The following RDX variants were observed in gnomAD, a reference collection of about 807,000 sequenced individuals.
RDX encodes radixin.
RDX carries 32 observed loss-of-function variants against 83.7 expected under a neutral mutation model. That is an observed-to-expected ratio of 0.38 (90% confidence interval 0.29 to 0.51). RDX has a LOEUF of 0.51. Among genes scored for constraint, RDX ranks in the 20% least tolerant of loss-of-function variants. The pLI, the probability that RDX is intolerant of heterozygous loss-of-function variation, is 0.87. For missense variants in RDX, 600 were observed against 689.9 expected (o/e 0.87, Z 1.46); for synonymous variants, 229 against 222.7 (o/e 1.03, Z -0.25).
intron 14 of RDX, among the ~76,000 whole-genome samples, chr11:110,204,318 T>C (rs1007788737): frequency 1.3e-5 from 2 of 149,374 alleles, no homozygotes; most frequent in African/African-American, 4.9e-5. Flanking sequence ...AGTTTTCAAA[T>C]GTAACTCTGA....
downstream of RDX, among the ~76,000 whole-genome samples, chr11:110,225,217 C>T (rs2134283461): frequency 6.6e-6 from 1 of 152,250 alleles, no homozygotes; most frequent in South Asian, 2.1e-4. Flanking sequence ...ACACCAAAAG[C>T]ACAGGCAACA....
intron 3 of RDX, among the ~76,000 whole-genome samples, chr11:110,266,891 G>GGTTT (rs113879456): frequency 1.9e-4 from 29 of 150,284 alleles, no homozygotes; most frequent in South Asian, 6.3e-4. Flanking sequence ...CTTGGCCCTT[G>GGTTT]GTTTGTTTGT....
At chr11:110,266,769 T>C (rs1292684236) in intron 3 of RDX, among the ~76,000 whole-genome samples, 1 of 152,106 alleles carries the variant, frequency 6.6e-6, no homozygotes, top group Non-Finnish European at 1.5e-5. Context: ...TTGTTTTCTG[T>C]AGAGGCAGGG....
intron 2 of RDX, among the ~76,000 whole-genome samples, chr11:110,278,379 G>A (rs994134410): frequency 1.3e-5 from 2 of 152,036 alleles, no homozygotes; most frequent in Admixed American, 1.3e-4. Flanking sequence ...CACTTTTATG[G>A]AGAACTGACA....
At chr11:110,189,242 G>GAAAAAAAA (rs1565282257) in intron 15 of RDX, among the ~76,000 whole-genome samples, 1 of 37,998 alleles carries the variant, frequency 2.6e-5, no homozygotes, top group Non-Finnish European at 4.7e-5. Context: ...TGAACAACAG[G>GAAAAAAAA]TAAAAAAAAA....
chr11:110,272,063 T>C (rs975498003), intron 3 of RDX, among the ~76,000 whole-genome samples: 3 of 152,228 alleles, frequency 2.0e-5, no homozygotes, highest in African/African-American at 7.2e-5. Context: ...GTGTTTAGAC[T>C]TGGGTCCCAT....
Position 110,209,824 on chromosome 11 carries a change from A to G in RDX, c.1749-10146T>C, listed in dbSNP as rs569966149. Among the ~76,000 whole-genome samples, 370 of 145,836 alleles carry G rather than the reference A, an allele frequency of 2.5e-3. 2 individuals are homozygous for G. The highest frequency in any genetic ancestry group is 3.5e-3 in the Non-Finnish European group (227 of 65,602). ...AACAAACAGAAAGGACATCCACACC[A>G]AAAACCCATCTGTACATCACCATCA... On this transcript the variant is annotated intron_variant, in intron 14 of 15. Coordinates refer to the RDX transcript ENST00000528498.
chr11:110,187,824 T>C (rs956039371), intron 15 of RDX, among the ~76,000 whole-genome samples: 2 of 152,192 alleles, frequency 1.3e-5, no homozygotes, highest in African/African-American at 4.8e-5. Flanking sequence ...ATCAACCCAT[T>C]GCCTGAGGAA....
intron 14 of RDX, among the ~76,000 whole-genome samples, chr11:110,202,180 A>T (rs533409114): frequency 5.9e-4 from 89 of 151,872 alleles, no homozygotes; most frequent in Non-Finnish European, 9.7e-4. Flanking sequence ...TGATCACCTG[A>T]GGTCAGGAGT....
rs1864617448 is a variant in RDX, at chr11:110,231,111, T to TGAAATGGTAGG, written c.*757_*758insCCTACCATTTC. On this transcript the variant is annotated 3_prime_UTR_variant, in exon 14 of 14. Transcript: ENST00000645495. ...CTCTCCTAGGGAGCTACTACTGCTGTCTAAACCTCTGTGAAATGGTAGGCA... is the reference window on the plus strand; with the variant it reads ...CTCTCCTAGGGAGCTACTACTGCTGTGAAATGGTAGGCTAAACCTCTGTGAAATGGTAGGCA... 2 of 152,560 alleles carry TGAAATGGTAGG rather than the reference T, an allele frequency of 1.3e-5. No homozygotes were observed. Among genetic ancestry groups the TGAAATGGTAGG allele is most frequent in the Non-Finnish European group, 2.9e-5 (2 of 68,054 alleles). The allele number at this position is 152,560 out of a possible 1,614,324, so 9.5% of individuals were successfully genotyped here.
chr11:110,295,647 A>AAAC (rs915843951), intron 1 of RDX, among the ~76,000 whole-genome samples: 4 of 150,856 alleles, frequency 2.7e-5, no homozygotes, highest in African/African-American at 9.8e-5. Context: ...AAACTGAAAA[A>AAAC]AAAAAAAAAA....
Position 110,237,670 on chromosome 11 carries a change from TCCC to T in RDX, c.1091-21_1091-19del, listed in dbSNP as rs765897204. 7 of 1,612,454 alleles carry T rather than the reference TCCC, an allele frequency of 4.3e-6. No individual in the cohort carries two copies. Among genetic ancestry groups the T allele is most frequent in the Admixed American group, 1.7e-5 (1 of 60,000 alleles). The stretch of plus-strand genomic sequence containing the variant: ...TTCTAGTTCTATGAAATATGTGTAT[TCCC>T]CCCAACAGTGATTAATTCCAATCAT... On this transcript the variant is annotated intron_variant, in intron 10 of 13. Transcript: ENST00000645495.
At chr11:110,191,342 A>C (rs1337601922) in intron 15 of RDX, among the ~76,000 whole-genome samples, 1 of 152,270 alleles carries the variant, frequency 6.6e-6, no homozygotes, top group Non-Finnish European at 1.5e-5. Context: ...TTATCTTAAC[A>C]GATGCAGAAA....
intron 1 of RDX, among the ~76,000 whole-genome samples, chr11:110,292,211 T>C (rs1861271984): frequency 6.6e-6 from 1 of 151,796 alleles, no homozygotes; most frequent in Admixed American, 6.6e-5. Context: ...GAGAATCGCT[T>C]GAACCCTGGA....
intron 15 of RDX, among the ~76,000 whole-genome samples, chr11:110,187,851 C>T (rs76430847): frequency 0.026 from 3,896 of 152,320 alleles, 73 homozygotes; most frequent in South Asian, 0.039. Flanking sequence ...GAGCTTCTTC[C>T]GGTAACAAGG....
At chr11:110,208,870 C>T (rs1298384423) in intron 14 of RDX, among the ~76,000 whole-genome samples, 1 of 152,156 alleles carries the variant, frequency 6.6e-6, no homozygotes, top group African/African-American at 2.4e-5. Context: ...GCAGAAGAAT[C>T]ATTTGAACCC....
intron 10 of RDX, 91 bp downstream of exon 10, chr11:110,247,608 TAACA>T (rs1859160063): frequency 2.4e-6 from 3 of 1,275,048 alleles, no homozygotes; most frequent in Non-Finnish European, 3.3e-6. Context: ...TTGTCCTATA[TAACA>T]AATAAGGTTT....
chr11:110,249,804 G>A (rs1158382546), intron 9 of RDX, among the ~76,000 whole-genome samples: 2 of 152,172 alleles, frequency 1.3e-5, no homozygotes, highest in East Asian at 3.8e-4. Context: ...TGTCCAGGAG[G>A]TCAATGTTGC....
chr11:110,193,537 AAAC>A (rs2134228798), intron 15 of RDX, among the ~76,000 whole-genome samples: 1 of 115,616 alleles, frequency 8.6e-6, no homozygotes, highest in South Asian at 2.6e-4. Context: ...TGAAATTACA[AAAC>A]AAAATAGAAT....
Sources: gnomAD v4.1 joint callset for allele counts (sites outside exome capture counted in the v4.1 genomes callset) on GRCh38, gnomAD v4.1.1 for gene constraint, MANE v1.5 for transcripts, NCBI Gene and HGNC (gene_info 2026-07-23, HGNC 2026-07-21) for gene names.